RALYL: variants seen among roughly 807,000 people sequenced by gnomAD.
RALYL encodes RNA-binding Raly-like protein.
RALYL carries 29 observed loss-of-function variants against 35.1 expected under a neutral mutation model. The observed-to-expected ratio is 0.83, with a 90% CI of 0.61 to 1.13. The LOEUF (loss-of-function observed/expected upper bound fraction) is 1.13, where lower values mean the gene tolerates loss of function less well. RALYL is among the 50% of genes most tolerant of loss of function. The probability of loss-of-function intolerance (pLI) is 0.00; values close to 1 mark genes in which losing one functional copy is unlikely to be tolerated. For synonymous variants in RALYL, 120 were observed against 127.6 expected (o/e 0.94, Z 0.40); for missense variants, 359 against 360.4 (o/e 1.00, Z 0.03).
At chr8:84,564,345 G>A (rs962731816) in intron 2 of RALYL, among the ~76,000 whole-genome samples, 5 of 151,448 alleles carry the variant, frequency 3.3e-5, no homozygotes, top group Admixed American at 3.3e-4. Flanking sequence ...ATAATAATCT[G>A]GCTTCTCTTG....
intron 1 of RALYL, among the ~76,000 whole-genome samples, chr8:84,274,613 A>C (rs1368214051): frequency 1.3e-5 from 2 of 152,166 alleles, no homozygotes; most frequent in African/African-American, 4.8e-5. Flanking sequence ...CATTAATAAA[A>C]CTGTTGCTGA....
chr8:84,687,765 G>A (rs1321820814), intron 2 of RALYL, among the ~76,000 whole-genome samples: 1 of 151,750 alleles, frequency 6.6e-6, no homozygotes, highest in Non-Finnish European at 1.5e-5. Context: ...AATTTTTTTT[G>A]TTTGGGGTAT....
intron 1 of RALYL, among the ~76,000 whole-genome samples, chr8:84,310,540 G>A (rs1292146667): frequency 6.6e-6 from 1 of 151,896 alleles, no homozygotes; most frequent in Non-Finnish European, 1.5e-5. Flanking sequence ...ATGAACGAAA[G>A]GGATTAAAGG....
intron 4 of RALYL, among the ~76,000 whole-genome samples, chr8:84,822,333 G>T (rs1828721425): frequency 6.6e-6 from 1 of 152,042 alleles, no homozygotes; most frequent in Non-Finnish European, 1.5e-5. Flanking sequence ...ACAAATTAAG[G>T]GATTGCCCAA....
At chr8:84,363,324 C>T (rs1165424218) in intron 1 of RALYL, among the ~76,000 whole-genome samples, 9 of 152,142 alleles carry the variant, frequency 5.9e-5, no homozygotes, top group Non-Finnish European at 1.0e-4. Context: ...TGACCCAGGA[C>T]TCAGAAACAG....
chr8:84,715,706 A>C (rs188073161), intron 2 of RALYL, among the ~76,000 whole-genome samples: 1 of 152,054 alleles, frequency 6.6e-6, no homozygotes, highest in Admixed American at 6.6e-5. Flanking sequence ...ATCATTACAC[A>C]CTTCTTGATC....
At chr8:84,419,981 T>C (rs1214586426) in intron 1 of RALYL, among the ~76,000 whole-genome samples, 39 of 150,812 alleles carry the variant, frequency 2.6e-4, no homozygotes, top group African/African-American at 8.8e-4. Context: ...GTCTTTGCTA[T>C]TGTGAATAAT....
At chr8:84,803,097 G>A (rs1823736462) in intron 3 of RALYL, among the ~76,000 whole-genome samples, 1 of 152,186 alleles carries the variant, frequency 6.6e-6, no homozygotes, top group Admixed American at 6.5e-5. Context: ...GGGGAACATA[G>A]GAAGCTGGAG....
chr8:84,742,321 C>T (rs761681003), intron 2 of RALYL, among the ~76,000 whole-genome samples: 2 of 151,898 alleles, frequency 1.3e-5, no homozygotes, highest in Non-Finnish European at 2.9e-5. Context: ...ACCTTCAAAA[C>T]TATGGTTAAA....
intron 3 of RALYL, among the ~76,000 whole-genome samples, chr8:84,783,002 C>A (rs1818545520): frequency 1.2e-5 from 1 of 80,366 alleles, no homozygotes; most frequent in Non-Finnish European, 2.4e-5. Context: ...ATTTGTAAGT[C>A]CATTGTTTGT....
chr8:84,460,217 T>G (rs900895278), intron 1 of RALYL, among the ~76,000 whole-genome samples: 2 of 151,732 alleles, frequency 1.3e-5, no homozygotes, highest in Non-Finnish European at 3.0e-5. Flanking sequence ...AAATAAATTA[T>G]GGAAGATCTA....
chr8:84,468,854 T>C (rs2052198938), intron 1 of RALYL, among the ~76,000 whole-genome samples: 3 of 152,082 alleles, frequency 2.0e-5, no homozygotes, highest in South Asian at 4.1e-4. Flanking sequence ...TTTTTATTCT[T>C]TTTTCTCTAG....
At chr8:84,519,971 CT>C (rs2058341641) in intron 1 of RALYL, among the ~76,000 whole-genome samples, 2 of 152,214 alleles carry the variant, frequency 1.3e-5, no homozygotes, top group Non-Finnish European at 2.9e-5. Flanking sequence ...TGCATCTGTG[CT>C]TGGTGCACAA....
chr8:84,854,548 C>T (rs1016311198), intron 5 of RALYL, among the ~76,000 whole-genome samples: 2 of 152,160 alleles, frequency 1.3e-5, no homozygotes, highest in African/African-American at 4.8e-5. Context: ...AGCATTCCGG[C>T]TGCAGCTGAT....
At chr8:84,712,304 G>A (rs1007560574) in intron 2 of RALYL, among the ~76,000 whole-genome samples, 2 of 152,130 alleles carry the variant, frequency 1.3e-5, no homozygotes, top group African/African-American at 2.4e-5. Flanking sequence ...TGGGAGCAGA[G>A]ACGTACAAAG....
chr8:84,197,643 T>G (rs759188031), intron 1 of RALYL, among the ~76,000 whole-genome samples: 3 of 152,056 alleles, frequency 2.0e-5, no homozygotes, highest in African/African-American at 7.2e-5. Flanking sequence ...GAAACTTATT[T>G]TGGGGCCGGG....
chr8:84,271,594 G>T (rs1834319091), intron 1 of RALYL, among the ~76,000 whole-genome samples: 1 of 151,768 alleles, frequency 6.6e-6, no homozygotes, highest in Non-Finnish European at 1.5e-5. Context: ...AAACCTAAAT[G>T]ACCATCATCT....
intron 2 of RALYL, among the ~76,000 whole-genome samples, chr8:84,689,505 C>T (rs574041155): frequency 6.6e-6 from 1 of 152,194 alleles, no homozygotes; most frequent in South Asian, 2.1e-4. Context: ...GGTTCCAAGT[C>T]TTTGCTATTG....
At chr8:84,877,444 G>A (rs1474860941) in intron 7 of RALYL, among the ~76,000 whole-genome samples, 2 of 151,978 alleles carry the variant, frequency 1.3e-5, no homozygotes, top group Non-Finnish European at 2.9e-5. Context: ...CTGAGATCAC[G>A]CCACTGCACT....
Sources: gnomAD v4.1 joint callset for allele counts (sites outside exome capture counted in the v4.1 genomes callset) on GRCh38, gnomAD v4.1.1 for gene constraint, MANE v1.5 for transcripts, NCBI Gene and HGNC (gene_info 2026-07-23, HGNC 2026-07-21) for gene names.